CDH13: variants seen among roughly 807,000 people sequenced by gnomAD.
CDH13 encodes the protein cadherin 13.
Under a neutral mutation model 63.8 loss-of-function variants are expected in CDH13, and 24 were observed. That is an observed-to-expected ratio of 0.38 (90% CI 0.27 to 0.53). The LOEUF (loss-of-function observed/expected upper bound fraction) is 0.53, where lower values mean the gene tolerates loss of function less well. Among genes scored for constraint, CDH13 ranks in the 20% least tolerant of loss-of-function variants. CDH13 has a pLI of 0.85. For missense variants in CDH13, 1,049 were observed against 903.1 expected (o/e 1.16, Z -2.07); for synonymous variants, 503 against 355.3 (o/e 1.42, Z -4.67).
chr16:83,054,236 C>G (rs182589902), intron 3 of CDH13, among the ~76,000 whole-genome samples: 1 of 152,178 alleles, frequency 6.6e-6, no homozygotes. Flanking sequence ...TAACGCATGA[C>G]TATAGTATGC....
intron 10 of CDH13, among the ~76,000 whole-genome samples, chr16:83,736,704 A>C (rs533139282): frequency 6.6e-6 from 1 of 152,324 alleles, no homozygotes; most frequent in Admixed American, 6.5e-5. Flanking sequence ...CACCCCTGGA[A>C]ATAAATCTGC....
At chr16:83,445,439 G>C (rs2072658411) in intron 6 of CDH13, among the ~76,000 whole-genome samples, 1 of 152,088 alleles carries the variant, frequency 6.6e-6, no homozygotes, top group Non-Finnish European at 1.5e-5. Flanking sequence ...TTCACACTTG[G>C]CCTCAATTTC....
chr16:83,180,898 T>C (rs1487083516), intron 4 of CDH13: 10 of 1,531,914 alleles, frequency 6.5e-6, no homozygotes, highest in Non-Finnish European at 8.7e-6. Flanking sequence ...AACAGCGAAC[T>C]TCTCTTGAAT....
intron 3 of CDH13, among the ~76,000 whole-genome samples, chr16:83,089,814 G>C (rs1396868853): frequency 6.6e-6 from 1 of 152,200 alleles, no homozygotes; most frequent in East Asian, 1.9e-4. Flanking sequence ...GTGAATCTCA[G>C]ATTTTCACGT....
At chr16:82,731,963 A>G (rs1367182841) in intron 1 of CDH13, among the ~76,000 whole-genome samples, 1 of 152,046 alleles carries the variant, frequency 6.6e-6, no homozygotes, top group Admixed American at 6.6e-5. Context: ...ACCTGAAACA[A>G]TCTCTTCTTC....
At chr16:82,905,206 A>T (rs545623790) in intron 2 of CDH13, among the ~76,000 whole-genome samples, 1 of 152,298 alleles carries the variant, frequency 6.6e-6, no homozygotes, top group East Asian at 1.9e-4. Context: ...GAGAATCGCG[A>T]TTATATGGAT....
intron 5 of CDH13, among the ~76,000 whole-genome samples, chr16:83,302,935 C>T (rs545010905): frequency 6.6e-6 from 1 of 152,324 alleles, no homozygotes; most frequent in Non-Finnish European, 1.5e-5. Context: ...GGTGCAGTCA[C>T]TACAGTTGCT....
chr16:83,093,528 C>T (rs1047192661), intron 3 of CDH13, among the ~76,000 whole-genome samples: 2 of 151,818 alleles, frequency 1.3e-5, no homozygotes, highest in Non-Finnish European at 2.9e-5. Flanking sequence ...CCGTGTTGGC[C>T]AGCCTGGTCT....
intron 7 of CDH13, among the ~76,000 whole-genome samples, chr16:83,587,076 T>C (rs1346456918): frequency 1.3e-5 from 2 of 152,192 alleles, no homozygotes; most frequent in Non-Finnish European, 2.9e-5. Flanking sequence ...TGGCCAGCAA[T>C]AGAACTCTAA....
chr16:83,162,592 G>C (rs571607313), intron 4 of CDH13, among the ~76,000 whole-genome samples: 49 of 150,820 alleles, frequency 3.2e-4, no homozygotes, highest in African/African-American at 1.2e-3. Context: ...AGTCAGAGGG[G>C]AATCAGGGCA....
intron 8 of CDH13, among the ~76,000 whole-genome samples, chr16:83,653,772 A>G (rs1194361875): frequency 6.6e-6 from 1 of 152,192 alleles, no homozygotes; most frequent in Non-Finnish European, 1.5e-5. Flanking sequence ...TTATTTATGT[A>G]TCTATGTAGC....
At chr16:83,242,082 G>C (rs991174356) in intron 5 of CDH13, among the ~76,000 whole-genome samples, 9 of 152,128 alleles carry the variant, frequency 5.9e-5, no homozygotes, top group Admixed American at 2.0e-4. Flanking sequence ...ACCATTTGGG[G>C]CTGCTCATTT....
chr16:83,157,738 TAAAAAAAAAAAA>T (rs58336254), intron 4 of CDH13, among the ~76,000 whole-genome samples: 8,596 of 99,586 alleles, frequency 0.086, 877 homozygotes, highest in African/African-American at 0.26. Flanking sequence ...ACTAGAAATA[TAAAAAAAAAAAA>T]AAAAAAAAAA....
chr16:83,695,022 C>A (rs557602742), intron 10 of CDH13, among the ~76,000 whole-genome samples: 11 of 152,230 alleles, frequency 7.2e-5, no homozygotes, highest in African/African-American at 2.6e-4. Context: ...GCCCGGCCAA[C>A]ATGATGAAAC....
chr16:83,483,117 G>C (rs1039857360), intron 6 of CDH13, among the ~76,000 whole-genome samples: 1 of 152,170 alleles, frequency 6.6e-6, no homozygotes, highest in Non-Finnish European at 1.5e-5. Context: ...ATGTGGCCAC[G>C]GTCACGCAGC....
chr16:83,659,335 A>AG (rs1306664305), intron 8 of CDH13, among the ~76,000 whole-genome samples: 1 of 144,694 alleles, frequency 6.9e-6, no homozygotes, highest in Admixed American at 6.9e-5. Context: ...TGTCCTCACC[A>AG]CCAGGTCCCA....
chr16:83,189,637 C>A (rs1319690002), intron 4 of CDH13, among the ~76,000 whole-genome samples: 1 of 152,158 alleles, frequency 6.6e-6, no homozygotes, highest in African/African-American at 2.4e-5. Flanking sequence ...TGTACTCTCC[C>A]TTTGCGTGGT....
intron 2 of CDH13, among the ~76,000 whole-genome samples, chr16:82,917,687 G>A (rs1393860172): frequency 1.3e-5 from 2 of 152,098 alleles, no homozygotes; most frequent in Admixed American, 6.5e-5. Flanking sequence ...TGAGGCAGGC[G>A]GATCATTTGA....
chr16:82,817,218 T>A (rs1240851036), intron 1 of CDH13, among the ~76,000 whole-genome samples: 1 of 152,116 alleles, frequency 6.6e-6, no homozygotes, highest in Non-Finnish European at 1.5e-5. Flanking sequence ...GTCTCTGGAC[T>A]TGGAGAAGGT....
Sources: gnomAD v4.1 joint callset for allele counts (sites outside exome capture counted in the v4.1 genomes callset) on GRCh38, gnomAD v4.1.1 for gene constraint, MANE v1.5 for transcripts, NCBI Gene and HGNC (gene_info 2026-07-23, HGNC 2026-07-21) for gene names.